PDGFRA: variants seen among roughly 807,000 people sequenced by gnomAD.
The protein encoded by PDGFRA is platelet derived growth factor receptor alpha, also known as platelet-derived growth factor receptor alpha.
Under a neutral mutation model 121.5 loss-of-function variants are expected in PDGFRA, and 25 were observed. The observed-to-expected ratio is 0.21, with a 90% CI of 0.15 to 0.29. The LOEUF is 0.29. PDGFRA is among the 10% of genes least tolerant of loss of function. The pLI is 1.00. For missense variants in PDGFRA, 1,008 were observed against 1,345.1 expected, an observed-to-expected ratio of 0.75 and a Z score of 3.92; for synonymous variants, 463 against 494.8, an observed-to-expected ratio of 0.94 and a Z score of 0.85.
chr4:54,261,963 C>G (rs1177293549), intron 3 of PDGFRA, among the ~76,000 whole-genome samples: 1 of 135,556 alleles, frequency 7.4e-6, no homozygotes, highest in Non-Finnish European at 1.5e-5. Context: ...GGGTCTCACT[C>G]TGTTGCCCAG....
intron 1 of PDGFRA, among the ~76,000 whole-genome samples, chr4:54,248,751 G>A (rs1430175146): frequency 2.0e-5 from 3 of 152,020 alleles, no homozygotes; most frequent in South Asian, 2.1e-4. Context: ...TCTGCACAGT[G>A]AAAGAAACTA....
chr4:54,242,117 T>A (rs1175582730), intron 1 of PDGFRA, among the ~76,000 whole-genome samples: 1 of 152,224 alleles, frequency 6.6e-6, no homozygotes, highest in Non-Finnish European at 1.5e-5. Context: ...GCTCAATAGC[T>A]AAGCCTTTGT....
At chr4:54,277,097 C>T (rs1164925862) in intron 12 of PDGFRA, 2 of 459,402 alleles carry the variant, frequency 4.4e-6, no homozygotes, top group Admixed American at 6.8e-5. Context: ...GGGGCTGGCC[C>T]AGCACGGAGC....
At chr4:54,255,722 G>T (rs898654427) in intron 1 of PDGFRA, among the ~76,000 whole-genome samples, 1 of 151,866 alleles carries the variant, frequency 6.6e-6, no homozygotes, top group East Asian at 1.9e-4. Flanking sequence ...AGCCAGGATG[G>T]TCTCCATCTC....
intron 22 of PDGFRA, among the ~76,000 whole-genome samples, chr4:54,294,867 G>A (rs906321690): frequency 1.3e-5 from 2 of 152,224 alleles, no homozygotes; most frequent in African/African-American, 2.4e-5. Context: ...AGTAGGGAAA[G>A]TAGAAATTCT....
chr4:54,284,524 G>A (rs1046944613), intron 16 of PDGFRA, among the ~76,000 whole-genome samples: 3 of 151,374 alleles, frequency 2.0e-5, no homozygotes, highest in Admixed American at 1.3e-4. Flanking sequence ...GGGGGAGCAG[G>A]CATATCACAT....
At chr4:54,240,660 A>G (rs907130273) in intron 1 of PDGFRA, among the ~76,000 whole-genome samples, 1 of 152,236 alleles carries the variant, frequency 6.6e-6, no homozygotes, top group Non-Finnish European at 1.5e-5. Context: ...GGCTCTCCCT[A>G]TACTTAGAAA....
intron 7 of PDGFRA, among the ~76,000 whole-genome samples, chr4:54,268,186 G>A (rs1403177338): frequency 1.3e-5 from 2 of 152,188 alleles, no homozygotes; most frequent in Non-Finnish European, 2.9e-5. Context: ...TGCCCTAATT[G>A]AGGACTCCAC....
rs879511664 is a variant in PDGFRA, at chr4:54,280,573, G to T, written c.2323+91G>T. The T allele has an allele frequency of 1.1e-5, 12 of 1,084,360 alleles. No individual in the cohort carries two copies. In the East Asian group the frequency reaches 3.0e-4, roughly 27 times the overall value. 67.2% of individuals were successfully genotyped at this position (1,084,360 alleles called of 1,614,324 possible). A position where few individuals can be genotyped will look rare whatever the true frequency, so the allele number is the denominator to read the frequency against. ...ATTTAGAGGGAAGTGTATAGGGATG[G>T]TAAGTGAACCTGGCAGCCCACGTGG... is the stretch of plus-strand genomic sequence containing the variant. On this transcript the variant is annotated intron_variant, in intron 16 of 22. Coordinates refer to ENST00000257290, the MANE Select transcript of PDGFRA (RefSeq NM_006206.6).
At chr4:54,287,314 G>T in intron 18 of PDGFRA, 116 bp from the exon 19 acceptor site, 1 of 762,280 alleles carries the variant, frequency 1.3e-6, no homozygotes, top group Non-Finnish European at 2.4e-6. Context: ...CACTCAAATG[G>T]GACAAGATAA....
At chr4:54,281,543 C>A in intron 16 of PDGFRA, 4 of 1,312,812 alleles carry the variant, frequency 3.0e-6, no homozygotes, top group Non-Finnish European at 4.0e-6. Flanking sequence ...TTCCTCTCCC[C>A]TCCCATATTG....
intron 5 of PDGFRA, 57 bp downstream of exon 5, chr4:54,265,106 C>T: frequency 1.3e-6 from 2 of 1,575,840 alleles, no homozygotes; most frequent in Non-Finnish European, 1.7e-6. Context: ...CTCAGAAGAC[C>T]TGCATTTGAG....
chr4:54,231,821 TC>T (rs1208743127), intron 1 of PDGFRA, among the ~76,000 whole-genome samples: 1 of 152,174 alleles, frequency 6.6e-6, no homozygotes, highest in Admixed American at 6.5e-5. Context: ...AATCCTTAGA[TC>T]GAGAAGGACT....
chr4:54,277,750 T>C lies in PDGFRA; in HGVS notation c.1892-146T>C, dbSNP rs185762499. On this transcript the variant is annotated intron_variant, in intron 13 of 22. Coordinates refer to ENST00000257290, the MANE Select transcript of PDGFRA (RefSeq NM_006206.6). ...AAGACCAGGAATTAGTTATTAGCAC[T>C]GAGGCCAAGTAGCTATCTGCTTCTT... 1.5e-5 allele frequency: 11 copies of C among 712,790 alleles called. No homozygotes were observed. The Admixed American group carries it at 1.8e-4, about 12-fold the overall frequency. The allele number at this position is 712,790 out of a possible 1,614,324, so 44.2% of individuals were successfully genotyped here.
Position 54,295,798 on chromosome 4 carries a change from C to T in PDGFRA, c.*526C>T. The T allele has an allele frequency of 4.1e-6, 1 of 242,402 alleles. No homozygotes were observed. The highest frequency in any genetic ancestry group is 5.9e-5 in the East Asian group (1 of 16,882). The allele number at this position is 242,402 out of a possible 1,614,324, so 15.0% of individuals were successfully genotyped here. ...AACCATTTTTGAACCTTAAAAGGTA[C>T]TGGTACTATAGCATTTTGCTATCTT... On this transcript the variant is annotated 3_prime_UTR_variant, in exon 23 of 23. Transcript: ENST00000257290.
chr4:54,264,321 A>G (rs1359213245), intron 4 of PDGFRA: 1 of 321,520 alleles, frequency 3.1e-6, no homozygotes, highest in African/African-American at 2.1e-5. Flanking sequence ...TTAGACTTCA[A>G]CCCTTTGATG....
At chr4:54,273,419 T>C (rs867632025) in intron 9 of PDGFRA, 118 bp from the exon 10 acceptor site, 27 of 788,520 alleles carry the variant, frequency 3.4e-5, no homozygotes, top group Admixed American at 1.3e-4. Flanking sequence ...TCAGTGTGTA[T>C]TGCCCCGAAA....
At chr4:54,293,943 T>TGTGTGTG (rs1168372338) in intron 22 of PDGFRA, among the ~76,000 whole-genome samples, 9 of 52,800 alleles carry the variant, frequency 1.7e-4, no homozygotes, top group Non-Finnish European at 3.0e-4. Context: ...GTGTGTGTGT[T>TGTGTGTG]TTCCTCTTCT....
intron 7 of PDGFRA, among the ~76,000 whole-genome samples, chr4:54,269,019 G>C (rs1049383924): frequency 5.9e-5 from 9 of 152,050 alleles, no homozygotes; most frequent in African/African-American, 2.2e-4. Context: ...GTAGATGGGG[G>C]ATCTGGCTTC....
Sources: gnomAD v4.1 joint callset for allele counts (sites outside exome capture counted in the v4.1 genomes callset) on GRCh38, gnomAD v4.1.1 for gene constraint, MANE v1.5 for transcripts, NCBI Gene and HGNC (gene_info 2026-07-23, HGNC 2026-07-21) for gene names.